SHROOM3: variants seen among roughly 807,000 people sequenced by gnomAD.
The protein encoded by SHROOM3 is protein Shroom3.
In SHROOM3, 47 loss-of-function variants were observed where a neutral mutation model predicts 138.6. That is an observed-to-expected ratio of 0.34 (90% CI 0.27 to 0.43). The LOEUF (loss-of-function observed/expected upper bound fraction) is 0.43. Among genes scored for constraint, SHROOM3 ranks in the 20% least tolerant of loss-of-function variants. The probability of loss-of-function intolerance (pLI) is 1.00; values close to 1 mark genes in which losing one functional copy is unlikely to be tolerated. For synonymous variants in SHROOM3, 1,062 were observed against 1,063.3 expected (o/e 1.00, Z 0.02); for missense variants, 2,491 against 2,596.5 (o/e 0.96, Z 0.88).
At chr4:76,647,086 A>C (rs1337412799) in intron 2 of SHROOM3, among the ~76,000 whole-genome samples, 1 of 152,236 alleles carries the variant, frequency 6.6e-6, no homozygotes, top group Non-Finnish European at 1.5e-5. Context: ...CATAAAAAAG[A>C]ATGAAATCAT....
intron 1 of SHROOM3, among the ~76,000 whole-genome samples, chr4:76,483,232 A>C (rs1455733393): frequency 6.6e-6 from 1 of 152,222 alleles, no homozygotes; most frequent in East Asian, 1.9e-4. Context: ...AATGAGAGAA[A>C]ATTTTTGCAA....
At chr4:76,703,384 A>ACT (rs200487287) in intron 2 of SHROOM3, among the ~76,000 whole-genome samples, 1,600 of 152,318 alleles carry the variant, frequency 0.011, 28 homozygotes, top group African/African-American at 0.037. Flanking sequence ...AAGTTACAAA[A>ACT]GGTCAGTAAC....
In SHROOM3 at chr4:76,738,782, C is replaced by T. The variant is rs554304598; in HGVS notation, c.609C>T (p.Ser203=). ...YHSSSSTSDL[S]NYDHAYLRRS... ...CCAGCTCCTCTACTAGTGACCTCTC[C>T]AACTATGACCATGCTTATCTAAGGC... Residue 203 remains serine (S), a synonymous_variant, in exon 5 of 11, where the codon TCC becomes TCT. Transcript: ENST00000296043. The T allele has an allele frequency of 2.0e-5, 33 of 1,614,224 alleles. 1 individual carries two copies. In the South Asian group the frequency reaches 3.2e-4, roughly 16 times the overall value.
chr4:76,721,655 C>T (rs1279198895), intron 3 of SHROOM3, among the ~76,000 whole-genome samples: 2 of 152,134 alleles, frequency 1.3e-5, no homozygotes, highest in Non-Finnish European at 2.9e-5. Flanking sequence ...GGACTACAGG[C>T]GTGAGCCACC....
At chr4:76,672,919 G>C (rs1044950445) in intron 2 of SHROOM3, among the ~76,000 whole-genome samples, 5 of 152,096 alleles carry the variant, frequency 3.3e-5, no homozygotes, top group African/African-American at 1.2e-4. Context: ...TGCATTAAGG[G>C]GATTCTGCCT....
At chr4:76,543,942 T>C (rs1319343534) in intron 1 of SHROOM3, among the ~76,000 whole-genome samples, 3 of 152,246 alleles carry the variant, frequency 2.0e-5, no homozygotes, top group Admixed American at 6.5e-5. Flanking sequence ...GAAAGACTGG[T>C]ATTTACCTTC....
intron 3 of SHROOM3, among the ~76,000 whole-genome samples, chr4:76,720,751 A>C (rs1018478309): frequency 2.0e-5 from 3 of 151,070 alleles, no homozygotes; most frequent in Non-Finnish European, 2.9e-5. Flanking sequence ...AGCTAGGATT[A>C]CAGGCACGCA....
intron 4 of SHROOM3, among the ~76,000 whole-genome samples, chr4:76,734,089 A>C (rs1720960427): frequency 6.6e-6 from 1 of 152,156 alleles, no homozygotes; most frequent in Non-Finnish European, 1.5e-5. Context: ...CATTCATTCA[A>C]CAAATCTGTA....
intron 2 of SHROOM3, among the ~76,000 whole-genome samples, chr4:76,626,144 G>A (rs370427688): frequency 8.9e-4 from 136 of 152,292 alleles, no homozygotes; most frequent in African/African-American, 3.1e-3. Context: ...GAGGAAGCAC[G>A]TACGTAGGGC....
intron 2 of SHROOM3, among the ~76,000 whole-genome samples, chr4:76,638,397 A>T (rs1435777266): frequency 6.6e-6 from 1 of 152,146 alleles, no homozygotes; most frequent in Non-Finnish European, 1.5e-5. Context: ...CAACAAAAAA[A>T]AAATCAGCCA....
intron 1 of SHROOM3, among the ~76,000 whole-genome samples, chr4:76,512,528 C>T (rs767833743): frequency 1.3e-5 from 2 of 152,180 alleles, no homozygotes; most frequent in East Asian, 1.9e-4. Context: ...ATTCTACCTG[C>T]TTTAGGGGTC....
chr4:76,721,018 C>CATTT (rs1720531033), intron 3 of SHROOM3, among the ~76,000 whole-genome samples: 1 of 151,848 alleles, frequency 6.6e-6, no homozygotes, highest in South Asian at 2.1e-4. Context: ...ATTGGAAGTG[C>CATTT]ATTTACCCTT....
At position 76,748,830 on chromosome 4, in the gene SHROOM3, TTTTTTTTA is replaced by T. The variant is rs1721531664; in HGVS notation, c.3754-186_3754-179del. Among the ~76,000 whole-genome samples, 3 of 150,710 alleles carry T rather than the reference TTTTTTTTA, an allele frequency of 2.0e-5. No individual in the cohort carries two copies. The Middle Eastern group carries it at 0.01, about 523-fold the overall frequency. On this transcript the variant is annotated intron_variant, in intron 5 of 10. Transcript: ENST00000296043. ...CTGACTCTGCTTTTTTTTTTTTTTT[TTTTTTTTA>T]AATCTTCGGCTTATCTCCTGCATCG... is the stretch of plus-strand genomic sequence containing the variant.
intron 1 of SHROOM3, among the ~76,000 whole-genome samples, chr4:76,483,275 A>C (rs912511184): frequency 2.6e-5 from 4 of 152,250 alleles, no homozygotes; most frequent in African/African-American, 4.8e-5. Context: ...AATATCCAGA[A>C]TATACAAAGA....
At chr4:76,468,891 A>G (rs1012483513) in intron 1 of SHROOM3, among the ~76,000 whole-genome samples, 13 of 151,998 alleles carry the variant, frequency 8.6e-5, no homozygotes, top group Non-Finnish European at 1.6e-4. Context: ...AAAATTAGCC[A>G]GGCGTGGTGG....
At chr4:76,553,699 C>T (rs1320084194) in intron 1 of SHROOM3, among the ~76,000 whole-genome samples, 1 of 152,066 alleles carries the variant, frequency 6.6e-6, no homozygotes. Context: ...CCACATTGCG[C>T]AGGGTGGTCT....
chr4:76,770,324 C>CA (rs529468839), intron 9 of SHROOM3, among the ~76,000 whole-genome samples: 1,496 of 36,006 alleles, frequency 0.042, 222 homozygotes, highest in Non-Finnish European at 0.049. Flanking sequence ...AACTCTGTCT[C>CA]AAAAAAAAAA....
chr4:76,436,326 T>C (rs1730562932), intron 1 of SHROOM3, 106 bp downstream of exon 1: 5 of 1,170,888 alleles, frequency 4.3e-6, no homozygotes, highest in Non-Finnish European at 6.2e-6. Context: ...TAACTTAATT[T>C]GCTGTTTCAT....
chr4:76,774,724 T>G (rs1299205361), intron 10 of SHROOM3, among the ~76,000 whole-genome samples: 2 of 150,940 alleles, frequency 1.3e-5, no homozygotes, highest in African/African-American at 4.9e-5. Flanking sequence ...TTTTTTGTTT[T>G]TTTTTTTTTT....
Sources: allele counts gnomAD v4.1 joint callset (sites outside exome capture counted in the v4.1 genomes callset), GRCh38; gene constraint gnomAD v4.1.1; transcripts MANE v1.5; gene names NCBI Gene and HGNC (gene_info 2026-07-23, HGNC 2026-07-21).